Variants in NDST4 observed in about 807,000 individuals in gnomAD.
NDST4 encodes the protein N-deacetylase and N-sulfotransferase 4.
NDST4 carries 63 observed loss-of-function variants against 100.8 expected under a neutral mutation model. The ratio of observed to expected loss-of-function variants is 0.62; its 90% CI spans 0.51 to 0.77. The LOEUF (loss-of-function observed/expected upper bound fraction) is 0.77, where lower values mean the gene tolerates loss of function less well. Among genes scored for constraint, NDST4 ranks in the 30% least tolerant of loss-of-function variants. The pLI is 0.00. For synonymous variants in NDST4, 377 were observed against 361.8 expected, an observed-to-expected ratio of 1.04 and a Z score of -0.48; for missense variants, 943 against 1,018.4, an observed-to-expected ratio of 0.93 and a Z score of 1.01.
intron 2 of NDST4, among the ~76,000 whole-genome samples, chr4:115,069,432 A>C (rs1729024247): frequency 6.6e-6 from 1 of 152,212 alleles, no homozygotes; most frequent in Admixed American, 6.5e-5. Flanking sequence ...TCCAGTATCT[A>C]TAAGGAACTT....
At chr4:114,844,524 T>C (rs1723502698) in intron 10 of NDST4, among the ~76,000 whole-genome samples, 3 of 152,220 alleles carry the variant, frequency 2.0e-5, no homozygotes, top group Admixed American at 2.0e-4. Context: ...ACCTTTCTTC[T>C]ATTCTCACTC....
intron 2 of NDST4, among the ~76,000 whole-genome samples, chr4:115,042,072 T>C (rs1342814087): frequency 5.9e-5 from 9 of 152,156 alleles, no homozygotes; most frequent in Non-Finnish European, 5.9e-5. Context: ...TCATTTTCCA[T>C]TTTCACTTAC....
At chr4:114,852,991 A>G (rs1166160899) in intron 7 of NDST4, among the ~76,000 whole-genome samples, 170 bp from the exon 8 acceptor site, 1 of 152,076 alleles carries the variant, frequency 6.6e-6, no homozygotes, top group African/African-American at 2.4e-5. Context: ...AGTTATTGAC[A>G]CCTTCCTTAT....
intron 2 of NDST4, among the ~76,000 whole-genome samples, chr4:115,034,678 T>C (rs2126271502): frequency 6.6e-6 from 1 of 152,148 alleles, no homozygotes; most frequent in South Asian, 2.1e-4. Context: ...TCTAATCTTT[T>C]ATAGGGAGTG....
intron 8 of NDST4, 36 bp downstream of exon 8, chr4:114,852,689 A>T (rs536926244): frequency 1.5e-5 from 17 of 1,158,270 alleles, no homozygotes; most frequent in Admixed American, 2.1e-5. Context: ...AAATATTTTT[A>T]AAAAGGATAT....
chr4:115,087,860 A>G (rs950753340), intron 1 of NDST4, among the ~76,000 whole-genome samples: 18 of 151,848 alleles, frequency 1.2e-4, no homozygotes, highest in African/African-American at 4.3e-4. Context: ...ATTTATGTAT[A>G]TTTTATACTT....
In NDST4 at chr4:114,840,093, G is replaced by T. The variant is rs73848474; in HGVS notation, c.2116-545C>A. On this transcript the variant is annotated intron_variant, in intron 10 of 13. Coordinates refer to ENST00000264363, the MANE Select transcript of NDST4 (RefSeq NM_022569.3). ...ATATCCCTGTGTATCAGGTGCTATGGGTACAGAGAAAGCTGCTGTCTATTT... is the reference window on the plus strand; with the variant it reads ...ATATCCCTGTGTATCAGGTGCTATGTGTACAGAGAAAGCTGCTGTCTATTT... Among the ~76,000 whole-genome samples, 1,433 of 152,162 alleles carry T rather than the reference G, an allele frequency of 9.4e-3. 29 individuals carry two copies. The highest frequency in any genetic ancestry group is 0.032 in the African/African-American group (1,326 of 41,506).
intron 7 of NDST4, among the ~76,000 whole-genome samples, chr4:114,866,145 C>A (rs1217541749): frequency 1.3e-5 from 2 of 152,308 alleles, no homozygotes; most frequent in African/African-American, 2.4e-5. Flanking sequence ...ATTTCCCCAG[C>A]AATGGGGGTA....
At chr4:114,904,909 C>A (rs1344870748) in intron 6 of NDST4, among the ~76,000 whole-genome samples, 2 of 151,818 alleles carry the variant, frequency 1.3e-5, no homozygotes, top group African/African-American at 4.8e-5. Context: ...CAATTAAAGA[C>A]TGGAAAAGAC....
chr4:114,999,410 G>T (rs1015495938), intron 2 of NDST4, among the ~76,000 whole-genome samples: 24 of 152,030 alleles, frequency 1.6e-4, no homozygotes, highest in African/African-American at 5.6e-4. Context: ...TACTTTATGA[G>T]AAATAATTGA....
chr4:114,908,979 C>A (rs759846963), intron 6 of NDST4, among the ~76,000 whole-genome samples: 1 of 151,978 alleles, frequency 6.6e-6, no homozygotes, highest in Non-Finnish European at 1.5e-5. Context: ...AGAAATTTTA[C>A]GAAAAATATG....
At chr4:114,990,732 G>A (rs1002521004) in intron 2 of NDST4, among the ~76,000 whole-genome samples, 9 of 151,946 alleles carry the variant, frequency 5.9e-5, no homozygotes, top group Admixed American at 3.9e-4. Flanking sequence ...TACACTTTTT[G>A]GGACAATTTC....
intron 12 of NDST4, among the ~76,000 whole-genome samples, chr4:114,831,141 T>C (rs868607206): frequency 5.3e-5 from 8 of 150,850 alleles, no homozygotes; most frequent in East Asian, 3.9e-4. Flanking sequence ...CAAGCTCCGC[T>C]TCCCGGGTTC....
At chr4:114,986,817 TATATATA>T (rs1407026063) in intron 2 of NDST4, among the ~76,000 whole-genome samples, 1 of 124,878 alleles carries the variant, frequency 8.0e-6, no homozygotes, top group Non-Finnish European at 1.6e-5. Flanking sequence ...TATATATATA[TATATATA>T]TATATATATT....
chr4:115,038,904 T>A (rs1728289879), intron 2 of NDST4, among the ~76,000 whole-genome samples: 1 of 152,144 alleles, frequency 6.6e-6, no homozygotes, highest in Non-Finnish European at 1.5e-5. Flanking sequence ...CACTTGAGCC[T>A]GGGAGGTCAA....
intron 7 of NDST4, among the ~76,000 whole-genome samples, chr4:114,854,656 G>A (rs1560780009): frequency 6.6e-6 from 1 of 152,126 alleles, no homozygotes; most frequent in Non-Finnish European, 1.5e-5. Context: ...TTTTAGTAAA[G>A]ACGGGGTTTC....
intron 2 of NDST4, among the ~76,000 whole-genome samples, chr4:115,068,310 A>T (rs908012088): frequency 1.3e-5 from 2 of 152,144 alleles, no homozygotes; most frequent in African/African-American, 2.4e-5. Context: ...TTGTATCTAG[A>T]TCAAGCCTTA....
chr4:114,952,197 A>G (rs1726006524), intron 4 of NDST4, among the ~76,000 whole-genome samples: 1 of 152,166 alleles, frequency 6.6e-6, no homozygotes. Context: ...GAAAAGACAG[A>G]TGTAAATCTT....
At chr4:114,878,888 A>G (rs1724310593) in intron 6 of NDST4, among the ~76,000 whole-genome samples, 1 of 152,024 alleles carries the variant, frequency 6.6e-6, no homozygotes, top group Non-Finnish European at 1.5e-5. Flanking sequence ...TTCCTCTGCT[A>G]TCGTCTGTAT....
Sources: allele counts gnomAD v4.1 joint callset (sites outside exome capture counted in the v4.1 genomes callset), GRCh38; gene constraint gnomAD v4.1.1; transcripts MANE v1.5; gene names NCBI Gene and HGNC (gene_info 2026-07-23, HGNC 2026-07-21).